The following NRXN3 variants were observed in gnomAD, a reference collection of about 807,000 sequenced individuals.
NRXN3 encodes neurexin 3, also known as neurexin III.
In NRXN3, 32 loss-of-function variants were observed where a neutral mutation model predicts 137.6. The observed-to-expected ratio is 0.23, with a 90% CI of 0.18 to 0.31. NRXN3 has a LOEUF of 0.31. Ranked by LOEUF, NRXN3 falls within the 10% of genes least tolerant of loss-of-function variation. The pLI is 1.00. For missense variants in NRXN3, 1,574 were observed against 2,062.5 expected (o/e 0.76, Z 4.59); for synonymous variants, 798 against 784.5 (o/e 1.02, Z -0.29).
intron 15 of NRXN3, among the ~76,000 whole-genome samples, chr14:79,277,927 A>G (rs1391941473): frequency 2.0e-5 from 3 of 152,214 alleles, no homozygotes; most frequent in African/African-American, 7.2e-5. Context: ...ATACCAGTTC[A>G]CTGCCATAAA....
At position 78,170,542 on chromosome 14, in the gene NRXN3, G is replaced by C. The variant is rs942032894; in HGVS notation, c.-836G>C. The C allele has an allele frequency of 6.6e-6, 1 of 152,272 alleles. No individual in the cohort carries two copies. Among genetic ancestry groups the C allele is most frequent in the African/African-American group, 2.4e-5 (1 of 41,424 alleles). The allele number at this position is 152,272 out of a possible 1,614,324, so 9.4% of individuals were successfully genotyped here. On this transcript the variant is annotated 5_prime_UTR_variant, in exon 1 of 21. Coordinates refer to ENST00000335750, the MANE Select transcript of NRXN3 (RefSeq NM_001330195.2). ...TTCTACCCTGCCACTCCCTCCCAGA[G>C]AGAAAGGAAAAGGAGAGAGAAAGAT... is the stretch of plus-strand genomic sequence containing the variant.
rs189072590 is a variant in NRXN3, at chr14:78,965,968, G to A, written c.2396-57G>A. The stretch of plus-strand genomic sequence containing the variant: ...TTACACCCAAAAAATATACTTGAGG[G>A]TGCTGTGATAAATGATGGTAACTTT... On this transcript the variant is annotated intron_variant, in intron 11 of 20. Coordinates refer to ENST00000335750, the MANE Select transcript of NRXN3 (RefSeq NM_001330195.2). 14 of 1,562,780 alleles carry A rather than the reference G, an allele frequency of 9.0e-6. No individual in the cohort carries two copies. The African/African-American group carries it at 1.5e-4, about 17-fold the overall frequency.
intron 15 of NRXN3, among the ~76,000 whole-genome samples, chr14:79,003,314 A>G (rs927712977): frequency 1.3e-5 from 2 of 152,214 alleles, no homozygotes; most frequent in Non-Finnish European, 2.9e-5. Flanking sequence ...CAATTTTTGC[A>G]GCCTCTGTAA....
At chr14:78,765,740 C>T (rs10129219) in intron 8 of NRXN3, among the ~76,000 whole-genome samples, 54,020 of 149,290 alleles carry the variant, frequency 0.36, 13,878 homozygotes, top group African/African-American at 0.75. Flanking sequence ...TATATATATA[C>T]ACACACACAC....
chr14:79,497,806 G>A (rs762964022), intron 16 of NRXN3, among the ~76,000 whole-genome samples: 26 of 152,200 alleles, frequency 1.7e-4, no homozygotes, highest in Non-Finnish European at 3.1e-4. Context: ...GGAGGCCGAG[G>A]TGGGTGGATC....
At chr14:79,761,821 A>AAAAT in intron 19 of NRXN3, among the ~76,000 whole-genome samples, 1 of 151,888 alleles carries the variant, frequency 6.6e-6, no homozygotes, top group Admixed American at 6.5e-5. Flanking sequence ...ATACAAAAGG[A>AAAAT]AAATCTTTAG....
intron 16 of NRXN3, among the ~76,000 whole-genome samples, chr14:79,604,360 G>A (rs188645258): frequency 3.3e-5 from 5 of 151,722 alleles, no homozygotes; most frequent in Admixed American, 1.3e-4. Context: ...TTAGCCTCCC[G>A]AGTAGCTGGG....
At chr14:78,274,037 G>A (rs1042758904) in intron 2 of NRXN3, among the ~76,000 whole-genome samples, 22 of 152,228 alleles carry the variant, frequency 1.4e-4, no homozygotes, top group African/African-American at 5.1e-4. Context: ...TGGGGGAGTT[G>A]AAGTAGCAAG....
chr14:78,989,210 G>A (rs1209638403), intron 15 of NRXN3, among the ~76,000 whole-genome samples: 2 of 152,176 alleles, frequency 1.3e-5, no homozygotes, highest in Non-Finnish European at 2.9e-5. Context: ...GATGTTATCT[G>A]AGAAAATAGT....
At chr14:79,485,285 CCT>C (rs1292351140) in intron 16 of NRXN3, among the ~76,000 whole-genome samples, 10 of 152,102 alleles carry the variant, frequency 6.6e-5, no homozygotes, top group African/African-American at 2.4e-4. Flanking sequence ...TCAGATACTT[CCT>C]CTAGGGATTG....
intron 4 of NRXN3, among the ~76,000 whole-genome samples, chr14:78,461,617 A>G (rs2094924139): frequency 6.6e-6 from 1 of 152,180 alleles, no homozygotes; most frequent in South Asian, 2.1e-4. Flanking sequence ...CCAACCAGTT[A>G]GTCAGAGAAA....
chr14:78,809,891 T>A (rs1425068729), intron 9 of NRXN3, among the ~76,000 whole-genome samples: 1 of 152,082 alleles, frequency 6.6e-6, no homozygotes, highest in South Asian at 2.1e-4. Context: ...TTTAAGAAAA[T>A]AAATTATAGA....
intron 2 of NRXN3, among the ~76,000 whole-genome samples, chr14:78,248,314 C>CCCCCCCCCCCCCCCCCCA (rs71131639): frequency 6.3e-5 from 3 of 47,620 alleles, no homozygotes; most frequent in South Asian, 9.5e-4. Context: ...CCCCCCCCCC[C>CCCCCCCCCCCCCCCCCCA]CCACCCGCCA....
chr14:79,039,330 A>G (rs2099621331), intron 15 of NRXN3, among the ~76,000 whole-genome samples: 1 of 152,190 alleles, frequency 6.6e-6, no homozygotes. Flanking sequence ...AATGGAACCC[A>G]TAACTGTTTT....
intron 15 of NRXN3, chr14:79,279,450 C>T: frequency 1.0e-6 from 1 of 986,254 alleles, no homozygotes; most frequent in Non-Finnish European, 1.2e-6. Flanking sequence ...GCCACCTCTG[C>T]AGCCTGCCAG....
At chr14:79,544,952 T>C (rs957955740) in intron 16 of NRXN3, among the ~76,000 whole-genome samples, 1 of 152,162 alleles carries the variant, frequency 6.6e-6, no homozygotes, top group African/African-American at 2.4e-5. Context: ...TAACCCACAA[T>C]TGAGGTCTAG....
At chr14:78,323,698 G>A (rs57894347) in intron 4 of NRXN3, among the ~76,000 whole-genome samples, 32,342 of 151,776 alleles carry the variant, frequency 0.21, 4,026 homozygotes, top group African/African-American at 0.32. Context: ...CCATCTGTAC[G>A]AATATTCTCA....
At chr14:78,927,805 C>A (rs1567728089) in intron 10 of NRXN3, among the ~76,000 whole-genome samples, 1 of 152,070 alleles carries the variant, frequency 6.6e-6, no homozygotes, top group South Asian at 2.1e-4. Flanking sequence ...GTGCATTTTT[C>A]CCCACACAGG....
chr14:79,570,874 T>A (rs2097593578), intron 16 of NRXN3, among the ~76,000 whole-genome samples: 1 of 152,194 alleles, frequency 6.6e-6, no homozygotes, highest in African/African-American at 2.4e-5. Flanking sequence ...CCTAGGCAGA[T>A]GCATGCAGAG....
Sources: gnomAD v4.1 joint callset for allele counts (sites outside exome capture counted in the v4.1 genomes callset) on GRCh38, gnomAD v4.1.1 for gene constraint, MANE v1.5 for transcripts, NCBI Gene and HGNC (gene_info 2026-07-23, HGNC 2026-07-21) for gene names.